The following RASGRF2 variants were observed in gnomAD, a reference collection of about 807,000 sequenced individuals.
RASGRF2 encodes the protein Ras protein specific guanine nucleotide releasing factor 2, also known as ras-specific guanine nucleotide-releasing factor 2.
In RASGRF2, 76 loss-of-function variants were observed where a neutral mutation model predicts 151.0. That is an observed-to-expected ratio of 0.50 (90% confidence interval 0.42 to 0.61). The LOEUF is 0.61. RASGRF2 is among the 20% of genes least tolerant of loss of function. RASGRF2 has a pLI of 0.00. For synonymous variants in RASGRF2, 504 were observed against 566.5 expected (o/e 0.89, Z 1.57); for missense variants, 1,148 against 1,564.6 (o/e 0.73, Z 4.49).
At chr5:80,962,201 A>C (rs1747584016) in intron 1 of RASGRF2, among the ~76,000 whole-genome samples, 1 of 152,228 alleles carries the variant, frequency 6.6e-6, no homozygotes, top group African/African-American at 2.4e-5. Context: ...AACAGACTTA[A>C]GTGATTAAAC....
intron 1 of RASGRF2, among the ~76,000 whole-genome samples, chr5:80,973,415 G>A (rs1748004817): frequency 6.6e-6 from 1 of 152,276 alleles, no homozygotes; most frequent in South Asian, 2.1e-4. Context: ...GCGCCTCCAC[G>A]TATTCTGGGT....
chr5:80,994,834 G>A (rs1266456038), intron 1 of RASGRF2, among the ~76,000 whole-genome samples: 1 of 152,210 alleles, frequency 6.6e-6, no homozygotes, highest in Non-Finnish European at 1.5e-5. Flanking sequence ...AAAAAGTTTG[G>A]TTGGGGTATA....
intron 1 of RASGRF2, among the ~76,000 whole-genome samples, chr5:80,969,815 C>CT (rs10584906): frequency 0.042 from 3,231 of 76,880 alleles, 384 homozygotes; most frequent in East Asian, 0.11. Context: ...ACTTCTTCTT[C>CT]TTTTTTTTTT....
chr5:81,027,574 C>T (rs546206206), intron 1 of RASGRF2, among the ~76,000 whole-genome samples: 5 of 152,220 alleles, frequency 3.3e-5, no homozygotes, highest in South Asian at 2.1e-4. Context: ...AAGAGATTGC[C>T]GAGTGTTTCT....
intron 1 of RASGRF2, among the ~76,000 whole-genome samples, chr5:80,964,752 A>G (rs1747671093): frequency 6.6e-6 from 1 of 152,144 alleles, no homozygotes. Flanking sequence ...AGACCATTAC[A>G]TGTTCAAAGA....
intron 17 of RASGRF2, among the ~76,000 whole-genome samples, chr5:81,162,995 G>A (rs191493390): frequency 1.3e-5 from 2 of 152,176 alleles, no homozygotes; most frequent in African/African-American, 4.8e-5. Flanking sequence ...CTGTGGTGGG[G>A]GGCACTGGGA....
chr5:81,225,602 G>A lies in RASGRF2; in HGVS notation c.3622-76G>A, dbSNP rs185850838. The A allele has an allele frequency of 8.6e-6, 13 of 1,519,264 alleles. No homozygotes were observed. In the African/African-American group the frequency reaches 1.7e-4, roughly 20 times the overall value. The allele number at this position is 1,519,264 out of a possible 1,614,324, so 94.1% of individuals were successfully genotyped here. On this transcript the variant is annotated intron_variant, in intron 26 of 26. Coordinates refer to ENST00000265080, the MANE Select transcript of RASGRF2 (RefSeq NM_006909.3). ...GTTGTTTAAGAGAAAATGTTGAATT[G>A]TGTTAGATTCCGTCAGAAAATGTAC...
At chr5:81,096,745 C>CAA (rs1342427302) in intron 12 of RASGRF2, among the ~76,000 whole-genome samples, 1 of 151,930 alleles carries the variant, frequency 6.6e-6, no homozygotes, top group African/African-American at 2.4e-5. Flanking sequence ...GAAAGGCACC[C>CAA]AATGCTTTGC....
At chr5:80,971,478 C>A (rs539275795) in intron 1 of RASGRF2, among the ~76,000 whole-genome samples, 80 of 152,216 alleles carry the variant, frequency 5.3e-4, no homozygotes, top group African/African-American at 1.8e-3. Flanking sequence ...TGGCTCACTG[C>A]AGCCTCGACA....
At chr5:81,052,367 G>T (rs1751039455) in intron 2 of RASGRF2, among the ~76,000 whole-genome samples, 1 of 152,126 alleles carries the variant, frequency 6.6e-6, no homozygotes, top group Non-Finnish European at 1.5e-5. Flanking sequence ...CTTTAGAAAG[G>T]ATTATCGACA....
chr5:81,079,854 A>T (rs376447911), intron 5 of RASGRF2, among the ~76,000 whole-genome samples: 1 of 152,194 alleles, frequency 6.6e-6, no homozygotes, highest in African/African-American at 2.4e-5. Flanking sequence ...AATAGCAGAA[A>T]GCTCACTTAA....
At chr5:81,164,456 GA>G (rs5869074) in intron 17 of RASGRF2, among the ~76,000 whole-genome samples, 27,053 of 147,374 alleles carry the variant, frequency 0.18, 2,998 homozygotes, top group African/African-American at 0.31. Context: ...CACGTTTGAT[GA>G]AAAAAAAAAA....
chr5:81,047,703 C>T (rs1280248320), intron 2 of RASGRF2, among the ~76,000 whole-genome samples: 3 of 152,238 alleles, frequency 2.0e-5, no homozygotes, highest in Non-Finnish European at 4.4e-5. Context: ...CCCTGTCAGT[C>T]TCCAACCTGA....
rs1753376270 is a variant in RASGRF2 at position 81,123,725 on chromosome 5, T to TC, written c.2559dup (p.Ser854LeufsTer45). 1.2e-6 allele frequency: 2 copies of TC among 1,613,656 alleles called. No individual in the cohort carries two copies. The highest frequency in any genetic ancestry group is 2.2e-5 in the East Asian group (1 of 44,882). ...CACCACAGAACTTTCACCTTGCAGA[T>TC]CCCCCTCAACTCCTCGGCACCTCCG... is the stretch of plus-strand genomic sequence containing the variant. On this transcript the variant is annotated frameshift_variant, in exon 16 of 27. Coordinates refer to ENST00000265080, the MANE Select transcript of RASGRF2 (RefSeq NM_006909.3). LOFTEE classifies it high-confidence loss of function.
At chr5:81,160,850 G>A (rs1754368387) in intron 17 of RASGRF2, among the ~76,000 whole-genome samples, 1 of 151,984 alleles carries the variant, frequency 6.6e-6, no homozygotes, top group Non-Finnish European at 1.5e-5. Flanking sequence ...CAGCCTGGGT[G>A]ACAGAACAAG....
At chr5:81,038,606 C>G (rs1383395815) in intron 1 of RASGRF2, among the ~76,000 whole-genome samples, 1 of 103,850 alleles carries the variant, frequency 9.6e-6, no homozygotes, top group Non-Finnish European at 1.8e-5. Context: ...GATGGGGTCT[C>G]TCTATGTTGC....
Position 81,115,641 on chromosome 5 carries a change from C to A in RASGRF2, c.2470+1721C>A, listed in dbSNP as rs147434973. 1.6e-3 allele frequency among the ~76,000 whole-genome samples: 246 copies of A among 152,202 alleles called. 1 individual carries two copies. Among genetic ancestry groups the A allele is most frequent in the African/African-American group, 5.4e-3 (225 of 41,538 alleles). On this transcript the variant is annotated intron_variant, in intron 15 of 26. Transcript: ENST00000265080. ...TTTTATTTTGTTTTTGTTGAGGAAA[C>A]CTTTAGGAACAAACATTTCAGTGTC...
chr5:81,058,957 C>T (rs891971322), intron 2 of RASGRF2, among the ~76,000 whole-genome samples: 1 of 151,852 alleles, frequency 6.6e-6, no homozygotes, highest in African/African-American at 2.4e-5. Context: ...GTGCCAAGTC[C>T]CCAGGCCTGG....
intron 17 of RASGRF2, among the ~76,000 whole-genome samples, chr5:81,150,960 A>C (rs1754120084): frequency 6.6e-6 from 1 of 152,254 alleles, no homozygotes; most frequent in Non-Finnish European, 1.5e-5. Context: ...TATGACCTGC[A>C]CTGGGACTGT....
Sources: allele counts gnomAD v4.1 joint callset (sites outside exome capture counted in the v4.1 genomes callset), GRCh38; gene constraint gnomAD v4.1.1; transcripts MANE v1.5; gene names NCBI Gene and HGNC (gene_info 2026-07-23, HGNC 2026-07-21).